ALX4: variants seen among roughly 807,000 people sequenced by gnomAD.
The protein encoded by ALX4 is homeobox protein aristaless-like 4.
In ALX4, 22 loss-of-function variants were observed where a neutral mutation model predicts 40.6. The observed-to-expected ratio is 0.54, with a 90% CI of 0.39 to 0.77. The LOEUF is 0.77. ALX4 is among the 30% of genes least tolerant of loss of function. The probability of loss-of-function intolerance (pLI) is 0.00; values close to 1 mark genes in which losing one functional copy is unlikely to be tolerated. For missense variants in ALX4, 556 were observed against 564.8 expected (o/e 0.98, Z 0.16); for synonymous variants, 266 against 240.5 (o/e 1.11, Z -0.98).
Position 44,309,694 on chromosome 11 carries a change from G to A in ALX4, c.369C>T (p.Tyr123=), listed in dbSNP as rs1956494269. 1 of 1,590,184 alleles carries A rather than the reference G, an allele frequency of 6.3e-7. No homozygotes were observed. The highest frequency in any genetic ancestry group is 8.5e-7 in the Non-Finnish European group (1 of 1,171,150). ...GCGTCTTGCAGGCGCCTCGCTGCAA[G>A]TAAAGATGCGGTTGCGCGGGCGGCT... is the stretch of plus-strand genomic sequence containing the variant. The part of the protein sequence containing the change: ...QPQPPAQPHL[Y]LQRGACKTPP... The change falls in exon 1 of 4, where the codon TAC becomes TAT. Residue 123 remains tyrosine (Y), a synonymous_variant. Coordinates refer to ENST00000652299, the MANE Select transcript of ALX4 (RefSeq NM_021926.4).
At chr11:44,305,305 C>T (rs1194900975) in intron 1 of ALX4, among the ~76,000 whole-genome samples, 3 of 152,206 alleles carry the variant, frequency 2.0e-5, no homozygotes, top group Admixed American at 6.5e-5. Context: ...AATCCAGGCC[C>T]TCTGTTTTTC....
chr11:44,300,446 T>C (rs1956428488), intron 1 of ALX4, among the ~76,000 whole-genome samples: 1 of 152,164 alleles, frequency 6.6e-6, no homozygotes, highest in African/African-American at 2.4e-5. Context: ...TGGATCCTTG[T>C]GGCCACATAG....
intron 1 of ALX4, among the ~76,000 whole-genome samples, chr11:44,296,084 G>T (rs1387588182): frequency 3.0e-4 from 45 of 152,224 alleles, no homozygotes; most frequent in Non-Finnish European, 8.8e-5. Context: ...TGCAATCCTG[G>T]ACTTCACATC....
At chr11:44,292,724 A>G (rs1272363699) in intron 1 of ALX4, among the ~76,000 whole-genome samples, 1 of 152,156 alleles carries the variant, frequency 6.6e-6, no homozygotes, top group Non-Finnish European at 1.5e-5. Context: ...GGTTCCCAGG[A>G]TTTTGCCTAT....
At chr11:44,293,488 G>C (rs1214197533) in intron 1 of ALX4, among the ~76,000 whole-genome samples, 1 of 152,178 alleles carries the variant, frequency 6.6e-6, no homozygotes, top group Non-Finnish European at 1.5e-5. Context: ...CACAGCGAAC[G>C]TGAGACAAAT....
chr11:44,281,605 A>AT, intron 1 of ALX4, among the ~76,000 whole-genome samples: 1 of 151,986 alleles, frequency 6.6e-6, no homozygotes, highest in South Asian at 2.1e-4. Flanking sequence ...CTTAAAAAAA[A>AT]CAGGCCAGCA....
intron 1 of ALX4, among the ~76,000 whole-genome samples, chr11:44,284,657 T>C (rs1280429849): frequency 6.6e-6 from 1 of 152,176 alleles, no homozygotes; most frequent in African/African-American, 2.4e-5. Context: ...CCATCTAGCT[T>C]GAGGTTCAGA....
In ALX4 at chr11:44,264,832, G is replaced by A. The variant is rs920979894; in HGVS notation, c.*22C>T. On this transcript the variant is annotated 3_prime_UTR_variant, in exon 4 of 4. Coordinates refer to ENST00000652299, the MANE Select transcript of ALX4 (RefSeq NM_021926.4). ...GCGTGGCCCATGGTGTCCCGAGGTG[G>A]GGACGGGGCAGGGGTGCCCTGTCAT... 9 of 1,610,462 alleles carry A rather than the reference G, an allele frequency of 5.6e-6. No homozygotes were observed. The African/African-American group carries it at 9.3e-5, about 17-fold the overall frequency.
intron 1 of ALX4, among the ~76,000 whole-genome samples, chr11:44,298,506 G>T (rs1379973486): frequency 6.6e-6 from 1 of 152,188 alleles, no homozygotes. Context: ...CCCTGGGCAG[G>T]TGGCAGGAAT....
At chr11:44,308,872 C>CTG (rs1364104755) in intron 1 of ALX4, among the ~76,000 whole-genome samples, 1 of 152,230 alleles carries the variant, frequency 6.6e-6, no homozygotes, top group Non-Finnish European at 1.5e-5. Flanking sequence ...CAAGAATCGC[C>CTG]GAGGGAGAAG....
intron 3 of ALX4, among the ~76,000 whole-genome samples, chr11:44,265,680 G>A (rs1300433024): frequency 6.6e-6 from 1 of 152,146 alleles, no homozygotes; most frequent in African/African-American, 2.4e-5. Flanking sequence ...TGGGTGAGGT[G>A]GGCGGCAGGG....
intron 1 of ALX4, among the ~76,000 whole-genome samples, chr11:44,306,293 G>T (rs1480874536): frequency 6.6e-6 from 1 of 152,234 alleles, no homozygotes; most frequent in Non-Finnish European, 1.5e-5. Flanking sequence ...TTGCAGCCCG[G>T]GAGGGTTTCT....
intron 1 of ALX4, among the ~76,000 whole-genome samples, chr11:44,276,223 G>T (rs1590691852): frequency 6.6e-6 from 1 of 152,224 alleles, no homozygotes; most frequent in South Asian, 2.1e-4. Context: ...CAGTGCTGAG[G>T]AGTCAACACC....
rs1167159867 is a variant in ALX4 at position 44,275,395 on chromosome 11, G to A, written c.730C>T (p.Arg244Trp). The change falls in exon 2 of 4, where the codon CGG (arginine) becomes TGG (tryptophan). Residue 244 changes from arginine to tryptophan, a missense_variant. Coordinates refer to ENST00000652299, the MANE Select transcript of ALX4 (RefSeq NM_021926.4). ...QKTHYPDVYA[R>W]EQLAMRTDLT... Reference sequence around the variant, plus strand: ...TCTGTCCTCATGGCCAGCTGTTCCCGCGCATACACGTCTGGGTAGTGGGTC... The same window carrying A: ...TCTGTCCTCATGGCCAGCTGTTCCCACGCATACACGTCTGGGTAGTGGGTC... 6.2e-6 allele frequency: 10 copies of A among 1,614,082 alleles called. No individual in the cohort carries two copies. The highest frequency in any genetic ancestry group is 3.3e-5 in the Admixed American group (2 of 60,002).
At chr11:44,299,305 C>T (rs1303179755) in intron 1 of ALX4, among the ~76,000 whole-genome samples, 2 of 150,094 alleles carry the variant, frequency 1.3e-5, no homozygotes, top group Non-Finnish European at 2.9e-5. Flanking sequence ...CACTACTTGT[C>T]TTCTGCATCC....
chr11:44,270,885 G>C (rs1956242675), intron 2 of ALX4, among the ~76,000 whole-genome samples: 1 of 152,164 alleles, frequency 6.6e-6, no homozygotes, highest in African/African-American at 2.4e-5. Flanking sequence ...GCCAGGGCGG[G>C]GTGGCCCAGG....
chr11:44,286,551 T>G (rs764702207), intron 1 of ALX4, among the ~76,000 whole-genome samples: 7 of 152,102 alleles, frequency 4.6e-5, no homozygotes, highest in Non-Finnish European at 1.0e-4. Flanking sequence ...GGGGCCCCAG[T>G]GCCTAATGAG....
chr11:44,299,356 T>C (rs1956421932), intron 1 of ALX4, among the ~76,000 whole-genome samples: 1 of 126,900 alleles, frequency 7.9e-6, no homozygotes, highest in Non-Finnish European at 1.8e-5. Flanking sequence ...GGGCCATGGT[T>C]TTTTTTTTTT....
rs941154603 is a variant in ALX4, at chr11:44,306,254, A to C, written c.466+3343T>G. Reference sequence around the variant, plus strand: ...GTCGTTCTTTTAGCACATTTGGGGAAAGGAAGGCCCAAGTTGGGGTAGGGA... The same window carrying C: ...GTCGTTCTTTTAGCACATTTGGGGACAGGAAGGCCCAAGTTGGGGTAGGGA... On this transcript the variant is annotated intron_variant, in intron 1 of 3. Transcript: ENST00000652299. 2.6e-5 allele frequency among the ~76,000 whole-genome samples: 4 copies of C among 152,328 alleles called. No homozygotes were observed. The East Asian group carries it at 7.7e-4, about 29-fold the overall frequency.
Sources: gnomAD v4.1 joint callset for allele counts (sites outside exome capture counted in the v4.1 genomes callset) on GRCh38, gnomAD v4.1.1 for gene constraint, MANE v1.5 for transcripts, NCBI Gene and HGNC (gene_info 2026-07-23, HGNC 2026-07-21) for gene names.